Variants in QDPR observed in about 807,000 individuals in gnomAD.
The protein encoded by QDPR is dihydropteridine reductase.
Under a neutral mutation model 31.7 loss-of-function variants are expected in QDPR, and 23 were observed. That is an observed-to-expected ratio of 0.73 (90% confidence interval 0.52 to 1.03). The LOEUF is 1.03. Among genes scored for constraint, QDPR ranks in the 50% least tolerant of loss-of-function variants. The pLI is 0.00. For missense variants in QDPR, 324 were observed against 323.8 expected (o/e 1.00, Z 0.00); for synonymous variants, 124 against 124.7 (o/e 0.99, Z 0.03).
intron 4 of QDPR, among the ~76,000 whole-genome samples, chr4:17,495,967 C>T (rs780533057): frequency 5.3e-5 from 8 of 151,988 alleles, no homozygotes; most frequent in Non-Finnish European, 1.0e-4. Flanking sequence ...GCCAAGATCA[C>T]GCCACTGCAC....
chr4:17,493,524 C>G (rs1254128638), intron 4 of QDPR, among the ~76,000 whole-genome samples: 1 of 152,178 alleles, frequency 6.6e-6, no homozygotes, highest in Non-Finnish European at 1.5e-5. Flanking sequence ...ACAACCCCCT[C>G]TTCAGGTGCA....
At chr4:17,488,880 A>G in intron 6 of QDPR, among the ~76,000 whole-genome samples, 1 of 152,328 alleles carries the variant, frequency 6.6e-6, no homozygotes, top group Non-Finnish European at 1.5e-5. Context: ...AAGTACTGTC[A>G]TGTCATGGCC....
At position 17,487,108 on chromosome 4, in the gene QDPR, C is replaced by T; in HGVS notation, c.*23G>A. On this transcript the variant is annotated 3_prime_UTR_variant, in exon 7 of 7. Coordinates refer to ENST00000281243, the MANE Select transcript of QDPR (RefSeq NM_000320.3). ...AGGTTAGTGACTTTTCTGGCAGGCC[C>T]CTCATAGGCACTGAGATGAGGCCTA... 1 of 1,590,534 alleles carries T rather than the reference C, an allele frequency of 6.3e-7. No individual in the cohort carries two copies.
intron 2 of QDPR, 100 bp from the exon 3 acceptor site, chr4:17,504,575 C>T: frequency 1.1e-6 from 1 of 929,600 alleles, no homozygotes; most frequent in East Asian, 2.4e-5. Flanking sequence ...CTTTTTAAGC[C>T]AGTTTACAGT....
intron 6 of QDPR, among the ~76,000 whole-genome samples, chr4:17,487,792 A>G (rs1718021741): frequency 6.6e-6 from 1 of 152,144 alleles, no homozygotes; most frequent in African/African-American, 2.4e-5. Flanking sequence ...GCAAGATTCC[A>G]TCTCCAAAAA....
intron 2 of QDPR, 70 bp from the exon 3 acceptor site, chr4:17,504,545 A>G: frequency 1.6e-6 from 2 of 1,231,282 alleles, no homozygotes; most frequent in Non-Finnish European, 2.4e-6. Context: ...CTTTACGGAT[A>G]CTCAGTTTCT....
intron 3 of QDPR, among the ~76,000 whole-genome samples, 192 bp downstream of exon 3, chr4:17,504,187 G>A (rs1267326766): frequency 2.6e-5 from 4 of 152,022 alleles, no homozygotes; most frequent in South Asian, 2.1e-4. Context: ...GTCCCCTCAC[G>A]TCCTCCAGGG....
intron 1 of QDPR, among the ~76,000 whole-genome samples, chr4:17,511,730 C>A (rs545902186): frequency 1.5e-3 from 232 of 152,336 alleles, no homozygotes; most frequent in Middle Eastern, 6.8e-3. Flanking sequence ...GCCCACGGAG[C>A]ACCTCCTTGC....
intron 4 of QDPR, 100 bp from the exon 5 acceptor site, chr4:17,492,440 A>T: frequency 1.1e-6 from 1 of 946,016 alleles, no homozygotes; most frequent in Non-Finnish European, 1.7e-6. Flanking sequence ...TAAAAACTTT[A>T]TAAATAGCTG....
intron 1 of QDPR, chr4:17,509,890 T>C: frequency 2.2e-6 from 1 of 454,028 alleles, no homozygotes; most frequent in Non-Finnish European, 4.4e-6. Flanking sequence ...TCTAGAGACA[T>C]CAAGGGCCAG....
At chr4:17,499,839 A>G (rs1718496286) in intron 4 of QDPR, among the ~76,000 whole-genome samples, 1 of 152,176 alleles carries the variant, frequency 6.6e-6, no homozygotes, top group Non-Finnish European at 1.5e-5. Context: ...GGATTGCTTG[A>G]GCCCAGGAGT....
chr4:17,509,168 A>T, intron 2 of QDPR, 103 bp downstream of exon 2: 1 of 959,632 alleles, frequency 1.0e-6, no homozygotes. Flanking sequence ...GGGGAAAAAA[A>T]GAAATAAAAG....
At chr4:17,491,308 C>G (rs188498438) in intron 5 of QDPR, among the ~76,000 whole-genome samples, 474 of 152,322 alleles carry the variant, frequency 3.1e-3, no homozygotes, top group Middle Eastern at 0.01. Context: ...AATCATGTCA[C>G]AGAATCACAG....
rs574616903 is a variant in QDPR at position 17,508,178 on chromosome 4, T to A, written c.198+1093A>T. ...TGGGCCAGGTGCAGTGGCTCATTCCTATAATCCCATTACTTTGGGAGGCCA... is the reference window on the plus strand; with the variant it reads ...TGGGCCAGGTGCAGTGGCTCATTCCAATAATCCCATTACTTTGGGAGGCCA... On this transcript the variant is annotated intron_variant, in intron 2 of 6. Coordinates refer to ENST00000281243, the MANE Select transcript of QDPR (RefSeq NM_000320.3). 1.5e-3 allele frequency among the ~76,000 whole-genome samples: 227 copies of A among 152,338 alleles called. 2 individuals are homozygous for A. Among genetic ancestry groups the A allele is most frequent in the African/African-American group, 5.3e-3 (221 of 41,586 alleles).
chr4:17,490,296 C>A (rs749854800), intron 6 of QDPR: 2 of 329,780 alleles, frequency 6.1e-6, no homozygotes. Context: ...CTTGTTATGG[C>A]CAGACACTGT....
At chr4:17,511,272 G>C (rs1376889534) in intron 1 of QDPR, among the ~76,000 whole-genome samples, 2 of 152,022 alleles carry the variant, frequency 1.3e-5, no homozygotes, top group African/African-American at 4.8e-5. Context: ...CCGACTTGCC[G>C]CCTCCTGGAA....
chr4:17,511,325 G>C (rs981479090), intron 1 of QDPR, among the ~76,000 whole-genome samples: 1 of 152,214 alleles, frequency 6.6e-6, no homozygotes, highest in Admixed American at 6.5e-5. Flanking sequence ...AGTCTTTGCA[G>C]AGCAAAGAAG....
At chr4:17,494,417 TTCA>T (rs1465052437) in intron 4 of QDPR, among the ~76,000 whole-genome samples, 12 of 152,246 alleles carry the variant, frequency 7.9e-5, no homozygotes, top group African/African-American at 2.9e-4. Flanking sequence ...GAGCTACAGC[TTCA>T]TCACCAGAAC....
intron 6 of QDPR, among the ~76,000 whole-genome samples, chr4:17,488,106 A>C (rs1037986993): frequency 2.0e-5 from 3 of 152,046 alleles, no homozygotes; most frequent in East Asian, 1.9e-4. Flanking sequence ...CTCTAAAAAA[A>C]TACAAAAAAT....
Sources: allele counts gnomAD v4.1 joint callset (sites outside exome capture counted in the v4.1 genomes callset), GRCh38; gene constraint gnomAD v4.1.1; transcripts MANE v1.5; gene names NCBI Gene and HGNC (gene_info 2026-07-23, HGNC 2026-07-21).